Variants in CHL1 observed in about 807,000 individuals in gnomAD.
The protein encoded by CHL1 is neural cell adhesion molecule L1-like protein.
CHL1 carries 96 observed loss-of-function variants against 141.9 expected under a neutral mutation model. The ratio of observed to expected loss-of-function variants is 0.68; its 90% confidence interval spans 0.57 to 0.80. The LOEUF (loss-of-function observed/expected upper bound fraction) is 0.80, where lower values mean the gene tolerates loss of function less well. Among genes scored for constraint, CHL1 ranks in the 30% least tolerant of loss-of-function variants. CHL1 has a pLI of 0.00. For synonymous variants in CHL1, 613 were observed against 502.2 expected (o/e 1.22, Z -2.95); for missense variants, 1,820 against 1,457.2 (o/e 1.25, Z -4.05).
chr3:268,372 A>T (rs903194198), intron 2 of CHL1, among the ~76,000 whole-genome samples: 1 of 151,712 alleles, frequency 6.6e-6, no homozygotes, highest in African/African-American at 2.4e-5. Context: ...TGTCTCTACT[A>T]AAAAATACAA....
In CHL1 at chr3:398,330, G is replaced by T; in HGVS notation, c.3198G>T (p.Lys1066Asn). The part of the protein sequence containing the change: ...GAEHIVRLMT[K>N]NWGDNDSIFQ... ...AACATATAGTTCGCCTAATGACTAAGAATTGGGGCGATAATGATAGCATTT... is the reference window on the plus strand; with the variant it reads ...AACATATAGTTCGCCTAATGACTAATAATTGGGGCGATAATGATAGCATTT... Residue 1066 changes from lysine to asparagine, a missense_variant, in exon 25 of 28, where the codon AAG (lysine) becomes AAT (asparagine). Lys to Asn is a moderately conservative substitution (Grantham distance 94). Transcript: ENST00000256509. The T allele has an allele frequency of 6.2e-7, 1 of 1,608,074 alleles. No homozygotes were observed. The highest frequency in any genetic ancestry group is 8.5e-7 in the Non-Finnish European group (1 of 1,174,564).
chr3:233,625 T>C (rs1317821155), intron 1 of CHL1, among the ~76,000 whole-genome samples: 3 of 152,190 alleles, frequency 2.0e-5, no homozygotes, highest in Non-Finnish European at 2.9e-5. Flanking sequence ...ATTTCTCATG[T>C]AGACATTGAT....
chr3:337,580 T>C lies in CHL1; in HGVS notation c.386-3214T>C, dbSNP rs141246127. Among the ~76,000 whole-genome samples, 1,060 of 148,416 alleles carry C rather than the reference T, an allele frequency of 7.1e-3. 16 individuals carry two copies. Among genetic ancestry groups the C allele is most frequent in the African/African-American group, 0.025 (1,015 of 40,558 alleles). ...CCCTTCCTATGTCCAAGTGTTCTCA[T>C]TGTTCAATTCCCACTTATGAGTGAG... On this transcript the variant is annotated intron_variant, in intron 5 of 27. Transcript: ENST00000256509.
intron 19 of CHL1, among the ~76,000 whole-genome samples, chr3:386,321 A>C (rs1031591037): frequency 6.0e-4 from 91 of 152,218 alleles, no homozygotes; most frequent in African/African-American, 2.1e-3. Flanking sequence ...TTTACATTTA[A>C]CATTAAACAT....
chr3:262,643 G>T (rs1694828944), intron 2 of CHL1, among the ~76,000 whole-genome samples: 1 of 152,194 alleles, frequency 6.6e-6, no homozygotes, highest in African/African-American at 2.4e-5. Flanking sequence ...AGACAACAGG[G>T]AGTGGTAAGG....
chr3:210,971 C>G (rs1373066967), intron 1 of CHL1, among the ~76,000 whole-genome samples: 2 of 152,200 alleles, frequency 1.3e-5, no homozygotes. Context: ...GGCTAAGATT[C>G]TTTAGCAGGG....
intron 2 of CHL1, among the ~76,000 whole-genome samples, chr3:257,893 G>A (rs188440852): frequency 3.3e-5 from 5 of 152,220 alleles, no homozygotes; most frequent in East Asian, 1.9e-4. Flanking sequence ...TTAAATAGGC[G>A]AAGAAATCAT....
At chr3:266,398 G>C (rs1316784758) in intron 2 of CHL1, among the ~76,000 whole-genome samples, 1 of 152,144 alleles carries the variant, frequency 6.6e-6, no homozygotes, top group African/African-American at 2.4e-5. Flanking sequence ...TGGTTAGAAG[G>C]GGGCTGGGGA....
intron 16 of CHL1, among the ~76,000 whole-genome samples, chr3:381,209 T>G (rs1706994882): frequency 6.6e-6 from 1 of 152,128 alleles, no homozygotes; most frequent in Non-Finnish European, 1.5e-5. Flanking sequence ...TATGGTCCAT[T>G]GGGGAGGACA....
At chr3:376,305 T>G (rs1019892780) in intron 15 of CHL1, 1 of 479,724 alleles carries the variant, frequency 2.1e-6, no homozygotes, top group Non-Finnish European at 4.1e-6. Context: ...TATTTGTGAT[T>G]TTGACATGTG....
chr3:390,299 G>T (rs1402129843), intron 20 of CHL1, among the ~76,000 whole-genome samples: 1 of 152,212 alleles, frequency 6.6e-6, no homozygotes, highest in East Asian at 1.9e-4. Flanking sequence ...ACCAATTTAG[G>T]TAAGTCCCTT....
At chr3:260,837 C>A (rs1678461486) in intron 2 of CHL1, among the ~76,000 whole-genome samples, 1 of 152,142 alleles carries the variant, frequency 6.6e-6, no homozygotes, top group Admixed American at 6.5e-5. Flanking sequence ...ATTAAGGAAG[C>A]CAAATGGTTT....
intron 16 of CHL1, 25 bp downstream of exon 16, chr3:377,967 T>C: frequency 6.4e-7 from 1 of 1,572,162 alleles, no homozygotes; most frequent in African/African-American, 1.4e-5. Flanking sequence ...TAATGAGAAA[T>C]CTGTTCATTT....
chr3:264,040 G>A (rs1338629272), intron 2 of CHL1, among the ~76,000 whole-genome samples: 1 of 152,170 alleles, frequency 6.6e-6, no homozygotes, highest in Admixed American at 6.6e-5. Context: ...ATGCCTTGGA[G>A]TTTTTTGTTT....
chr3:378,480 A>C (rs964552136), intron 16 of CHL1, among the ~76,000 whole-genome samples: 1 of 152,176 alleles, frequency 6.6e-6, no homozygotes, highest in Non-Finnish European at 1.5e-5. Flanking sequence ...CAGTGTGCAC[A>C]CTTCACTAGT....
intron 2 of CHL1, chr3:248,273 G>C (rs769829925): frequency 6.6e-6 from 1 of 152,062 alleles, no homozygotes. Flanking sequence ...ATTCAGTTAG[G>C]TCTCCGAAGG....
intron 2 of CHL1, among the ~76,000 whole-genome samples, chr3:317,928 T>C (rs994652736): frequency 1.3e-4 from 20 of 151,918 alleles, no homozygotes; most frequent in African/African-American, 4.8e-4. Context: ...AATTTACCAG[T>C]AGAAGTTAAA....
chr3:271,065 G>A (rs1458487211), intron 2 of CHL1, among the ~76,000 whole-genome samples: 1 of 152,156 alleles, frequency 6.6e-6, no homozygotes, highest in Admixed American at 6.5e-5. Flanking sequence ...TTGTCAAAGA[G>A]TTTGTGGACA....
At position 333,124 on chromosome 3, in the gene CHL1, A is replaced by ATTTTTTTTTTTTTTTTTTTTTT; in HGVS notation, c.385+4778_385+4779insTTTTTTTTTTTTTTTTTTTTTT. Among the ~76,000 whole-genome samples, 787 of 83,312 alleles carry ATTTTTTTTTTTTTTTTTTTTTT rather than the reference A, an allele frequency of 9.4e-3. 347 individuals are homozygous for ATTTTTTTTTTTTTTTTTTTTTT. The highest frequency in any genetic ancestry group is 0.013 in the East Asian group (26 of 2,078). 54.7% of individuals were successfully genotyped at this position (83,312 alleles called of 152,430 possible). A position where few individuals can be genotyped will look rare whatever the true frequency, so the allele number is the denominator to read the frequency against. On this transcript the variant is annotated intron_variant, in intron 5 of 27. Transcript: ENST00000256509. ...AGCTACGTTGTTGGATAATTGCTCT[A>ATTTTTTTTTTTTTTTTTTTTTT]TTTTTTTTATTTTTTTTTTTTGCTG...
Sources: gnomAD v4.1 joint callset for allele counts (sites outside exome capture counted in the v4.1 genomes callset) on GRCh38, gnomAD v4.1.1 for gene constraint, MANE v1.5 for transcripts, NCBI Gene and HGNC (gene_info 2026-07-23, HGNC 2026-07-21) for gene names.